The following SPTBN2 variants were observed in gnomAD, a reference collection of about 807,000 sequenced individuals.
SPTBN2 encodes spectrin beta chain, non-erythrocytic 2.
Under a neutral mutation model 284.2 loss-of-function variants are expected in SPTBN2, and 107 were observed. The ratio of observed to expected loss-of-function variants is 0.38; its 90% CI spans 0.32 to 0.44. The LOEUF (loss-of-function observed/expected upper bound fraction) is 0.44. Ranked by LOEUF, SPTBN2 falls within the 20% of genes least tolerant of loss-of-function variation. The pLI is 1.00. For synonymous variants in SPTBN2, 1,289 were observed against 1,354.8 expected (o/e 0.95, Z 1.07); for missense variants, 2,569 against 3,287.1 (o/e 0.78, Z 5.34).
At chr11:66,722,818 A>G (rs1412372803) in intron 1 of SPTBN2, among the ~76,000 whole-genome samples, 3 of 148,660 alleles carry the variant, frequency 2.0e-5, no homozygotes, top group African/African-American at 7.5e-5. Flanking sequence ...ACTTGAAACC[A>G]GGAGGTGGAG....
rs1188140017 is a variant in SPTBN2 at position 66,684,833 on chromosome 11, C to T, written c.*1038G>A. ...GGCAAGTGGGGGCAGTAAGCACCCG[C>T]TGTGTGCTCAGCTTTCCACCACTGG... On this transcript the variant is annotated 3_prime_UTR_variant, in exon 38 of 38. Transcript: ENST00000533211. 6.6e-6 allele frequency among the ~76,000 whole-genome samples: 1 copy of T among 152,088 alleles called. No homozygotes were observed. The highest frequency in any genetic ancestry group is 6.6e-5 in the Admixed American group (1 of 15,262).
chr11:66,695,081 G>A (rs951089556), intron 21 of SPTBN2, among the ~76,000 whole-genome samples: 12 of 152,112 alleles, frequency 7.9e-5, no homozygotes, highest in Admixed American at 7.2e-4. Flanking sequence ...GTGGGCCTCC[G>A]CCCTCTCCAA....
At chr11:66,692,489 C>G in intron 26 of SPTBN2, 47 bp downstream of exon 26, 1 of 1,595,400 alleles carries the variant, frequency 6.3e-7, no homozygotes, top group Non-Finnish European at 8.5e-7. Context: ...GTGGGTCCTC[C>G]ACTCTTCCCA....
At position 66,693,675 on chromosome 11, in the gene SPTBN2, C is replaced by T. The variant is rs866182176; in HGVS notation, c.4593+97G>A. The T allele has an allele frequency of 1.5e-4, 197 of 1,353,228 alleles. 1 individual carries two copies. In the Middle Eastern group the frequency reaches 4.4e-3, roughly 30 times the overall value. The allele number at this position is 1,353,228 out of a possible 1,614,324, so 83.8% of individuals were successfully genotyped here. A position where few individuals can be genotyped will look rare whatever the true frequency, so the allele number is the denominator to read the frequency against. On this transcript the variant is annotated intron_variant, in intron 23 of 37. Transcript: ENST00000533211. This position sits in a 1 kb window ranked among gnomAD's most constrained non-coding sequence, Gnocchi z 5.7. ...AGACAGCCACTGAAGTCCAGGGTTA[C>T]ACTCAGCATCGAGGGGGGCCTGGTC...
At chr11:66,737,377 G>T (rs1388090029) in intron 1 of SPTBN2, among the ~76,000 whole-genome samples, 5 of 152,162 alleles carry the variant, frequency 3.3e-5, no homozygotes, top group Admixed American at 6.5e-5. Context: ...ACAAAGCACA[G>T]GATATCTATA....
chr11:66,728,333 C>T (rs1942713421), intron 1 of SPTBN2: 1 of 144,784 alleles, frequency 6.9e-6, no homozygotes, highest in Non-Finnish European at 1.5e-5. Flanking sequence ...GCGCGCGGGG[C>T]GGGCGGCGGC....
chr11:66,701,539 C>G, intron 16 of SPTBN2, 45 bp downstream of exon 16: 1 of 1,614,096 alleles, frequency 6.2e-7, no homozygotes, highest in African/African-American at 1.3e-5. Flanking sequence ...ATCCCCATTG[C>G]TTCATTTTTC....
intron 1 of SPTBN2, among the ~76,000 whole-genome samples, chr11:66,722,381 CT>C (rs1404141818): frequency 2.0e-5 from 3 of 151,516 alleles, no homozygotes; most frequent in Non-Finnish European, 2.9e-5. Flanking sequence ...GAGACCATCC[CT>C]GGCTAACACG....
chr11:66,727,951 C>T (rs1376985809), intron 1 of SPTBN2: 2 of 150,492 alleles, frequency 1.3e-5, no homozygotes, highest in South Asian at 2.1e-4. Flanking sequence ...GTCCCCCCCC[C>T]TCGGCCTTGG....
rs1000246907 is a variant in SPTBN2, at chr11:66,704,147, T to C, written c.2678+451A>G. 2.6e-5 allele frequency among the ~76,000 whole-genome samples: 4 copies of C among 152,060 alleles called. No individual in the cohort carries two copies. In the South Asian group the frequency reaches 8.3e-4, roughly 32 times the overall value. ...CCCACTGTGCCCGGCTAATTTTTTGTATTTTTAGTTGAGACAGCGTTTCAC... is the reference window on the plus strand; with the variant it reads ...CCCACTGTGCCCGGCTAATTTTTTGCATTTTTAGTTGAGACAGCGTTTCAC... On this transcript the variant is annotated intron_variant, in intron 15 of 37. Transcript: ENST00000533211.
At chr11:66,692,779 G>T (rs1590920691) in intron 25 of SPTBN2, 39 bp from the exon 26 acceptor site, 1 of 1,599,266 alleles carries the variant, frequency 6.3e-7, no homozygotes, top group Non-Finnish European at 8.5e-7. Context: ...GGACTTAGGG[G>T]TGTAGCTCTG....
intron 8 of SPTBN2, 60 bp from the exon 9 acceptor site, chr11:66,711,089 T>G: frequency 7.0e-7 from 1 of 1,428,698 alleles, no homozygotes. Context: ...CTTGCATCAC[T>G]TACCCCAAAC....
chr11:66,723,494 C>G (rs1203044830), intron 1 of SPTBN2, among the ~76,000 whole-genome samples: 1 of 152,116 alleles, frequency 6.6e-6, no homozygotes, highest in East Asian at 1.9e-4. Context: ...TTCCATGAAG[C>G]TGAACCTGAC....
rs757974619 is a variant in SPTBN2, at chr11:66,685,991, C to T, written c.7053G>A (p.Arg2351=). 1.2e-6 allele frequency: 2 copies of T among 1,613,838 alleles called. No individual in the cohort carries two copies. The highest frequency in any genetic ancestry group is 2.2e-5 in the East Asian group (1 of 44,880). ...VVPSTTRGMT[R]AMTMPPVSPV... is the part of the protein sequence containing the mutation. The stretch of plus-strand genomic sequence containing the variant: ...GTGACACTGGGGGCATGGTCATGGC[C>T]CGGGTCATGCCCCGGGTGGTGCTGG... The change falls in exon 38 of 38, where the codon CGG becomes CGA. Residue 2351 remains arginine (R), a synonymous_variant. Transcript: ENST00000533211. This position sits in a 1 kb window ranked among gnomAD's most constrained non-coding sequence, Gnocchi z 4.4.
At chr11:66,703,925 T>C (rs1941382181) in intron 15 of SPTBN2, among the ~76,000 whole-genome samples, 1 of 152,066 alleles carries the variant, frequency 6.6e-6, no homozygotes. Context: ...CACAGACAAT[T>C]TGAAAATAAT....
intron 27 of SPTBN2, among the ~76,000 whole-genome samples, chr11:66,690,562 C>G (rs1473388368): frequency 2.0e-5 from 3 of 152,090 alleles, no homozygotes; most frequent in Non-Finnish European, 4.4e-5. Flanking sequence ...TGTGATAGAC[C>G]TTGGAGATTG....
intron 7 of SPTBN2, among the ~76,000 whole-genome samples, 162 bp downstream of exon 7, chr11:66,713,929 T>C (rs1666924581): frequency 6.6e-6 from 1 of 152,130 alleles, no homozygotes; most frequent in Non-Finnish European, 1.5e-5. Flanking sequence ...CCATCACAAG[T>C]GCTCTGCGCA....
intron 1 of SPTBN2, among the ~76,000 whole-genome samples, chr11:66,727,369 T>C (rs1942655929): frequency 6.6e-6 from 1 of 152,100 alleles, no homozygotes; most frequent in Non-Finnish European, 1.5e-5. Context: ...GCAGACGACA[T>C]GTAGCAGGTT....
intron 1 of SPTBN2, among the ~76,000 whole-genome samples, chr11:66,722,753 C>T (rs112896984): frequency 3.3e-5 from 5 of 151,208 alleles, no homozygotes; most frequent in Non-Finnish European, 4.4e-5. Flanking sequence ...ATTAGCTGGG[C>T]GTGGTAGCAC....
Sources: allele counts gnomAD v4.1 joint callset (sites outside exome capture counted in the v4.1 genomes callset), GRCh38; gene constraint gnomAD v4.1.1; non-coding constraint Gnocchi (gnomAD v3.1); transcripts MANE v1.5; gene names NCBI Gene and HGNC (gene_info 2026-07-23, HGNC 2026-07-21).